Variants in LRCH2 observed in about 807,000 individuals in gnomAD.
LRCH2 encodes the protein leucine-rich repeat and calponin homology domain-containing protein 2.
A neutral mutation model predicts 68.9 loss-of-function variants in LRCH2; 38 were observed. The observed-to-expected ratio is 0.55, with a 90% CI of 0.43 to 0.72. LRCH2 has a LOEUF of 0.72. LRCH2 is among the 30% of genes least tolerant of loss of function. LRCH2 has a pLI of 0.00. For missense variants in LRCH2, 528 were observed against 572.9 expected, an observed-to-expected ratio of 0.92 and a Z score of 0.80; for synonymous variants, 191 against 208.1, an observed-to-expected ratio of 0.92 and a Z score of 0.71.
chrX:115,215,043 T>C (rs1171149251), intron 1 of LRCH2, among the ~76,000 whole-genome samples: 1 of 112,525 alleles, frequency 8.9e-6, no homozygotes, highest in Non-Finnish European at 1.9e-5. Flanking sequence ...TTCAAATCAA[T>C]GTAGTATTAC....
chrX:115,196,505 C>G (rs1315233175), intron 1 of LRCH2, among the ~76,000 whole-genome samples: 1 of 111,468 alleles, frequency 9.0e-6, no homozygotes, highest in Non-Finnish European at 1.9e-5. Context: ...TAACCCTATG[C>G]CAACATGAAC....
Position 115,192,042 on chromosome X carries a change from C to T in LRCH2, c.350-3672G>A, listed in dbSNP as rs1417433147. The T allele has an allele frequency of 1.5e-5, 17 of 1,166,002 alleles. No individual in the cohort carries two copies. The African/African-American group carries it at 2.7e-4, about 18-fold the overall frequency. ...GCCACTACGAAGAGTACCGAGGCCG[C>T]TCGCACGACACCCACAGCAGGGGCC... On this transcript the variant is annotated intron_variant, in intron 1 of 20. Transcript: ENST00000317135.
intron 1 of LRCH2, among the ~76,000 whole-genome samples, chrX:115,231,729 T>C (rs2073154202): frequency 8.9e-6 from 1 of 112,370 alleles, no homozygotes; most frequent in African/African-American, 3.2e-5. Context: ...ATGATATTCA[T>C]ATTTATGAGA....
intron 1 of LRCH2, among the ~76,000 whole-genome samples, chrX:115,200,453 A>G (rs1427091455): frequency 1.8e-5 from 2 of 111,754 alleles, no homozygotes; most frequent in African/African-American, 3.3e-5. Flanking sequence ...AAATATTTCA[A>G]CTGATACCAC....
Position 115,214,839 on chromosome X carries a change from A to G in LRCH2, c.349+18854T>C, listed in dbSNP as rs187693029. Among the ~76,000 whole-genome samples, 57 of 111,858 alleles carry G rather than the reference A, an allele frequency of 5.1e-4. 1 individual carries two copies. The highest frequency in any genetic ancestry group is 2.3e-3 in the Admixed American group (24 of 10,540). Reference sequence around the variant, plus strand: ...GTCTCGCAACAATTAAGCCACATGGAAAGACAAGACCTTATTTAAAAGAAG... The same window carrying G: ...GTCTCGCAACAATTAAGCCACATGGGAAGACAAGACCTTATTTAAAAGAAG... On this transcript the variant is annotated intron_variant, in intron 1 of 20. Coordinates refer to ENST00000317135, the MANE Select transcript of LRCH2 (RefSeq NM_020871.4).
In LRCH2 at chrX:115,156,671, G is replaced by A. The variant is rs781824085; in HGVS notation, c.1464-4C>T. ...AGAAGTTGAATGATTAAGAATCCTAGAAGTAAATCAACACATTAATTCCCA... is the reference window on the plus strand; with the variant it reads ...AGAAGTTGAATGATTAAGAATCCTAAAAGTAAATCAACACATTAATTCCCA... On this transcript the variant is annotated splice_polypyrimidine_tract_variant and splice_region_variant and intron_variant, in intron 11 of 20. Coordinates refer to ENST00000317135, the MANE Select transcript of LRCH2 (RefSeq NM_020871.4). 8.2e-6 allele frequency: 9 copies of A among 1,093,197 alleles called. No homozygotes were observed. In the Admixed American group the frequency reaches 9.2e-5, roughly 11 times the overall value. The allele number at this position is 1,093,197 out of a possible 1,213,427, so 90.1% of individuals were successfully genotyped here.
chrX:115,136,905 TTGTC>T (rs1472851910), intron 14 of LRCH2, among the ~76,000 whole-genome samples: 2 of 111,978 alleles, frequency 1.8e-5, no homozygotes, highest in Non-Finnish European at 3.8e-5. Flanking sequence ...TTTTCTCACA[TTGTC>T]TGATAATTAT....
chrX:115,127,163 T>C (rs2072207197), intron 15 of LRCH2, among the ~76,000 whole-genome samples: 1 of 111,071 alleles, frequency 9.0e-6, no homozygotes, highest in Non-Finnish European at 1.9e-5. Context: ...TGGTTCGAAA[T>C]ATAGTAAAGT....
At chrX:115,212,722 A>G (rs1603097002) in intron 1 of LRCH2, among the ~76,000 whole-genome samples, 1 of 109,227 alleles carries the variant, frequency 9.2e-6, no homozygotes. Context: ...TACAATCCCA[A>G]CACTTTGGGA....
At chrX:115,190,805 G>A in intron 1 of LRCH2, 6 of 1,156,703 alleles carry the variant, frequency 5.2e-6, no homozygotes, top group Non-Finnish European at 6.9e-6. Context: ...TACAGTGGGG[G>A]CCATGACAGT....
rs1362963426 is a variant in LRCH2 at position 115,111,441 on chromosome X, A to G, written c.*1775T>C. The G allele has an allele frequency of 9.1e-6, 1 of 110,212 alleles. No homozygotes were observed. The highest frequency in any genetic ancestry group is 2.8e-4 in the East Asian group (1 of 3,518). The allele number at this position is 110,212 out of a possible 1,213,427, so 9.1% of individuals were successfully genotyped here. On this transcript the variant is annotated 3_prime_UTR_variant, in exon 21 of 21. Transcript: ENST00000317135. ...TTGCTGTGTTTTTAATGGTCACTTA[A>G]TTTGTAATGCTGTCAAATTTCTACA...
intron 3 of LRCH2, among the ~76,000 whole-genome samples, chrX:115,182,639 C>G (rs1556553115): frequency 9.2e-6 from 1 of 108,775 alleles, no homozygotes; most frequent in Non-Finnish European, 1.9e-5. Context: ...CAAGATCAGC[C>G]TGGCCAAGAT....
chrX:115,171,267 C>T (rs1556547489), intron 5 of LRCH2, among the ~76,000 whole-genome samples: 1 of 111,528 alleles, frequency 9.0e-6, no homozygotes, highest in Non-Finnish European at 1.9e-5. Context: ...AATTATCATT[C>T]CAGGTCCAAA....
chrX:115,218,226 G>A (rs2073054694), intron 1 of LRCH2, among the ~76,000 whole-genome samples: 1 of 111,883 alleles, frequency 8.9e-6, no homozygotes, highest in Non-Finnish European at 1.9e-5. Context: ...CCTAATATCT[G>A]AATTGTTATG....
chrX:115,133,270 G>A (rs993080307), intron 14 of LRCH2, among the ~76,000 whole-genome samples: 16 of 111,957 alleles, frequency 1.4e-4, no homozygotes, highest in Non-Finnish European at 2.4e-4. Flanking sequence ...AATGAAGACC[G>A]CTCTTGCCTC....
intron 1 of LRCH2, chrX:115,190,736 A>G (rs782704958): frequency 4.3e-6 from 5 of 1,163,099 alleles, no homozygotes; most frequent in African/African-American, 3.7e-5. Context: ...CGCTCACACG[A>G]GGCCCGCAGC....
At chrX:115,158,658 A>G (rs1343860574) in intron 11 of LRCH2, among the ~76,000 whole-genome samples, 6 of 112,082 alleles carry the variant, frequency 5.4e-5, no homozygotes, top group African/African-American at 1.9e-4. Flanking sequence ...CAATAAAGAA[A>G]AACTCTCAAG....
At position 115,111,635 on chromosome X, in the gene LRCH2, C is replaced by T. The variant is rs1192864802; in HGVS notation, c.*1581G>A. 2 of 110,383 alleles carry T rather than the reference C, an allele frequency of 1.8e-5. No individual in the cohort carries two copies. Among genetic ancestry groups the T allele is most frequent in the African/African-American group, 6.6e-5 (2 of 30,442 alleles). The allele number at this position is 110,383 out of a possible 1,213,427, so 9.1% of individuals were successfully genotyped here. A position where few individuals can be genotyped will look rare whatever the true frequency, so the allele number is the denominator to read the frequency against. On this transcript the variant is annotated 3_prime_UTR_variant, in exon 21 of 21. Transcript: ENST00000317135. ...ATTACTAATAATTTAATTCTTAAACCATATACTCATAGAAGCTTTAATTCT... is the reference window on the plus strand; with the variant it reads ...ATTACTAATAATTTAATTCTTAAACTATATACTCATAGAAGCTTTAATTCT...
At chrX:115,212,957 C>T (rs1556570327) in intron 1 of LRCH2, among the ~76,000 whole-genome samples, 1 of 106,336 alleles carries the variant, frequency 9.4e-6, no homozygotes. Context: ...GGAGACAGAG[C>T]AAGACCTTGT....
Sources: allele counts gnomAD v4.1 joint callset (sites outside exome capture counted in the v4.1 genomes callset), GRCh38; gene constraint gnomAD v4.1.1; transcripts MANE v1.5; gene names NCBI Gene and HGNC (gene_info 2026-07-23, HGNC 2026-07-21).